Variants in ASB5 observed in about 807,000 individuals in gnomAD.
The protein encoded by ASB5 is ankyrin repeat and SOCS box protein 5.
A neutral mutation model predicts 42.1 loss-of-function variants in ASB5; 45 were observed. The observed-to-expected ratio is 1.07, with a 90% CI of 0.84 to 1.37. The LOEUF (loss-of-function observed/expected upper bound fraction) is 1.37, where lower values mean the gene tolerates loss of function less well. Ranked by LOEUF, ASB5 falls within the 40% of genes most tolerant of loss-of-function variation. The pLI is 0.00. For synonymous variants in ASB5, 147 were observed against 150.6 expected (o/e 0.98, Z 0.18); for missense variants, 402 against 399.8 (o/e 1.01, Z -0.05).
chr4:176,264,974 G>A (rs1265983782), intron 1 of ASB5, among the ~76,000 whole-genome samples: 1 of 151,856 alleles, frequency 6.6e-6, no homozygotes, highest in Non-Finnish European at 1.5e-5. Flanking sequence ...ATCTCCTCAT[G>A]GCAAGGTCGT....
chr4:176,244,515 G>A (rs139024770), intron 1 of ASB5, among the ~76,000 whole-genome samples: 45 of 152,258 alleles, frequency 3.0e-4, no homozygotes, highest in Admixed American at 8.5e-4. Context: ...GTACAGGGAG[G>A]CACTGACTCT....
At chr4:176,251,517 C>G (rs369277552) in intron 1 of ASB5, among the ~76,000 whole-genome samples, 6 of 17,990 alleles carry the variant, frequency 3.3e-4, no homozygotes, top group Admixed American at 7.2e-4. Flanking sequence ...AGCCGAGATC[C>G]CGCCACTGCA....
chr4:176,239,488 T>C (rs367753037), intron 1 of ASB5, among the ~76,000 whole-genome samples: 1 of 152,294 alleles, frequency 6.6e-6, no homozygotes, highest in East Asian at 1.9e-4. Flanking sequence ...ACTGTGACAA[T>C]TTTTGTTCTG....
rs202091682 is a variant in ASB5 at position 176,222,349 on chromosome 4, C to T, written c.348G>A (p.Val116=). The change falls in exon 3 of 7, where the codon GTG becomes GTA. Residue 116 remains valine, a synonymous_variant. Transcript: ENST00000296525. ...CTTCCAGCAGAGTTCTGGCACATGC[C>T]ACGTGATCTCCAAGGCAGGCTTCGT... ...PLHEACLGDH[V]ACARTLLEAG... 2 of 1,613,968 alleles carry T rather than the reference C, an allele frequency of 1.2e-6. No homozygotes were observed. Among genetic ancestry groups the T allele is most frequent in the East Asian group, 2.2e-5 (1 of 44,884 alleles).
In ASB5 at chr4:176,219,227, TTGTATGATATATAAATATATA is replaced by T. The variant is rs1395554903; in HGVS notation, c.670+1907_670+1927del. Among the ~76,000 whole-genome samples the T allele has an allele frequency of 7.5e-4, 86 of 114,764 alleles. 1 individual carries two copies. The highest frequency in any genetic ancestry group is 2.3e-3 in the African/African-American group (65 of 27,718). The allele number at this position is 114,764 out of a possible 152,430, so 75.3% of individuals were successfully genotyped here. ...TTGTATGACAGATAAATATATATAT[TTGTATGATATATAAATATATA>T]TGTATGATATATAAATATATATTTG... On this transcript the variant is annotated intron_variant, in intron 5 of 6. Coordinates refer to ENST00000296525, the MANE Select transcript of ASB5 (RefSeq NM_080874.4).
intron 1 of ASB5, among the ~76,000 whole-genome samples, chr4:176,261,083 C>T (rs1754260318): frequency 6.6e-6 from 1 of 152,118 alleles, no homozygotes; most frequent in African/African-American, 2.4e-5. Flanking sequence ...AAATACTTCA[C>T]CTGCTTTTAA....
chr4:176,252,772 A>T (rs1433425812), intron 1 of ASB5, among the ~76,000 whole-genome samples: 1 of 152,256 alleles, frequency 6.6e-6, no homozygotes, highest in Non-Finnish European at 1.5e-5. Flanking sequence ...ACAAATGGTA[A>T]GAATGCATGA....
intron 1 of ASB5, among the ~76,000 whole-genome samples, chr4:176,243,930 C>T (rs868341637): frequency 7.2e-5 from 11 of 152,116 alleles, no homozygotes; most frequent in African/African-American, 2.7e-4. Flanking sequence ...ATGTTTTAGA[C>T]AGGACATTTC....
In ASB5 at chr4:176,216,859, GTAGCTACATCTA is replaced by G. The variant is rs752898118; in HGVS notation, c.809_820del (p.Ile270_Ala273del). 6.2e-7 allele frequency: 1 copy of G among 1,612,062 alleles called. No homozygotes were observed. Among genetic ancestry groups the G allele is most frequent in the Non-Finnish European group, 8.5e-7 (1 of 1,179,510 alleles). Reference sequence around the variant, plus strand: ...TATCCTTTCCACCATACTGCTAGACGTAGCTACATCTATAGGTCGCAGAAGCTCTGTATTTTT... The same window carrying G: ...TATCCTTTCCACCATACTGCTAGACGTAGGTCGCAGAAGCTCTGTATTTTT... On this transcript the variant is annotated inframe_deletion, in exon 6 of 7. Transcript: ENST00000296525.
In ASB5 at chr4:176,215,718, C is replaced by G. The variant is rs1752949488; in HGVS notation, c.872G>C (p.Ser291Thr). 2 of 1,610,300 alleles carry G rather than the reference C, an allele frequency of 1.2e-6. No homozygotes were observed. The highest frequency in any genetic ancestry group is 1.7e-6 in the Non-Finnish European group (2 of 1,178,478). Residue 291 changes from serine (S) to threonine (T), a missense_variant, in exon 7 of 7, where the codon AGC becomes ACC. Transcript: ENST00000296525. ...RILLQHEATP[S>T]SLYQLCRLCI... ...GAGTCGGCAAAGTTGGTAAAGAGAG[C>G]TTGGGGTAGCTACAAGAAGACATGA...
intron 5 of ASB5, 71 bp downstream of exon 5, chr4:176,221,084 A>T (rs866730484): frequency 7.0e-7 from 1 of 1,432,294 alleles, no homozygotes; most frequent in Non-Finnish European, 9.2e-7. Flanking sequence ...ATTTTTAAAG[A>T]TGCTCATTTA....
At chr4:176,249,603 G>T (rs1753982902) in intron 1 of ASB5, 1 of 152,030 alleles carries the variant, frequency 6.6e-6, no homozygotes. Flanking sequence ...TTCTCCCATT[G>T]GTGCTGAGAA....
At position 176,228,881 on chromosome 4, in the gene ASB5, A is replaced by G. The variant is rs1027025044; in HGVS notation, c.197-3540T>C. 5.9e-5 allele frequency among the ~76,000 whole-genome samples: 9 copies of G among 152,298 alleles called. No individual in the cohort carries two copies. In the East Asian group the frequency reaches 1.2e-3, roughly 20 times the overall value. On this transcript the variant is annotated intron_variant, in intron 1 of 6. Coordinates refer to ENST00000296525, the MANE Select transcript of ASB5 (RefSeq NM_080874.4). The stretch of plus-strand genomic sequence containing the variant: ...TTAAAAATCACAGGCATCTGTTTGT[A>G]TGATCATTAAACAACATGATTGCAG...
intron 6 of ASB5, among the ~76,000 whole-genome samples, chr4:176,216,218 T>G (rs1392783135): frequency 6.6e-6 from 1 of 152,148 alleles, no homozygotes; most frequent in African/African-American, 2.4e-5. Flanking sequence ...CCTTATAAAA[T>G]GGGGCATGCT....
intron 1 of ASB5, among the ~76,000 whole-genome samples, chr4:176,251,922 C>G (rs1754045197): frequency 6.6e-6 from 1 of 151,306 alleles, no homozygotes; most frequent in Admixed American, 6.6e-5. Flanking sequence ...AAAAATTAGC[C>G]AGGCATGGTG....
chr4:176,268,597 C>T (rs1303389208), intron 1 of ASB5, among the ~76,000 whole-genome samples: 2 of 152,058 alleles, frequency 1.3e-5, no homozygotes, highest in South Asian at 2.1e-4. Flanking sequence ...TATGACTTGG[C>T]AGATCAAATG....
intron 2 of ASB5, 74 bp from the exon 3 acceptor site, chr4:176,222,494 G>C: frequency 1.6e-6 from 2 of 1,280,550 alleles, no homozygotes. Context: ...GATGTCACTA[G>C]AGAGTGATAT....
chr4:176,262,400 GT>G (rs1170947436), intron 1 of ASB5, among the ~76,000 whole-genome samples: 2 of 152,192 alleles, frequency 1.3e-5, no homozygotes, highest in Non-Finnish European at 2.9e-5. Flanking sequence ...AAATTGAGAA[GT>G]GAAAAAGTTG....
chr4:176,240,125 G>A (rs1753781098), intron 1 of ASB5, among the ~76,000 whole-genome samples: 1 of 152,100 alleles, frequency 6.6e-6, no homozygotes. Flanking sequence ...ATATCTAGAA[G>A]AACATTAAGC....
Sources: allele counts gnomAD v4.1 joint callset (sites outside exome capture counted in the v4.1 genomes callset), GRCh38; gene constraint gnomAD v4.1.1; transcripts MANE v1.5; gene names NCBI Gene and HGNC (gene_info 2026-07-23, HGNC 2026-07-21).